Variants in FBXL7 observed in about 807,000 individuals in gnomAD.
FBXL7 encodes F-box/LRR-repeat protein 7.
A neutral mutation model predicts 38.3 loss-of-function variants in FBXL7; 12 were observed. That is an observed-to-expected ratio of 0.31 (90% CI 0.20 to 0.51). The LOEUF is 0.51. FBXL7 is among the 20% of genes least tolerant of loss of function. The probability of loss-of-function intolerance (pLI) is 0.98; values close to 1 mark genes in which losing one functional copy is unlikely to be tolerated. For synonymous variants in FBXL7, 297 were observed against 300.9 expected (o/e 0.99, Z 0.13); for missense variants, 567 against 676.4 (o/e 0.84, Z 1.79).
Position 15,928,172 on chromosome 5 carries a change from G to A in FBXL7, c.410G>A (p.Cys137Tyr). ...CTGCCCACCAACCAGCTGTGCCGCT[G>A]CGCGCGAGTGTGCCGCCGCTGGTAC... ...SFLPTNQLCR[C>Y]ARVCRRWYNL... The change falls in exon 3 of 4, where the codon TGC (cysteine) becomes TAC (tyrosine). Residue 137 changes from cysteine to tyrosine, a missense_variant. Transcript: ENST00000504595. This position sits in a 1 kb window ranked among gnomAD's most constrained non-coding sequence, Gnocchi z 4.0. The A allele has an allele frequency of 6.2e-7, 1 of 1,609,896 alleles. No individual in the cohort carries two copies. Among genetic ancestry groups the A allele is most frequent in the Non-Finnish European group, 8.5e-7 (1 of 1,178,534 alleles).
chr5:15,731,306 T>G (rs781703326), intron 2 of FBXL7, among the ~76,000 whole-genome samples: 33 of 152,148 alleles, frequency 2.2e-4, no homozygotes, highest in African/African-American at 5.1e-4. Flanking sequence ...ACAATCATGG[T>G]GAAGGCAAGG....
At chr5:15,565,312 C>T (rs1042062903) in intron 1 of FBXL7, among the ~76,000 whole-genome samples, 7 of 151,932 alleles carry the variant, frequency 4.6e-5, no homozygotes, top group Non-Finnish European at 8.8e-5. Context: ...CTCAAATGAA[C>T]GGAAACCTTC....
At chr5:15,819,287 T>C (rs1738105689) in intron 2 of FBXL7, among the ~76,000 whole-genome samples, 1 of 152,074 alleles carries the variant, frequency 6.6e-6, no homozygotes, top group African/African-American at 2.4e-5. Context: ...ATAATTTTAA[T>C]TTCTAATTAT....
intron 2 of FBXL7, among the ~76,000 whole-genome samples, chr5:15,783,893 C>T (rs547302958): frequency 6.6e-6 from 1 of 152,268 alleles, no homozygotes; most frequent in African/African-American, 2.4e-5. Flanking sequence ...AGGGCTCTCA[C>T]AGATCTCACA....
At chr5:15,685,629 CA>C (rs1417283602) in intron 2 of FBXL7, among the ~76,000 whole-genome samples, 2 of 152,150 alleles carry the variant, frequency 1.3e-5, no homozygotes, top group African/African-American at 4.8e-5. Context: ...TTTTTTAAGA[CA>C]GGCAGAACTG....
chr5:15,619,961 A>G (rs750350976), intron 2 of FBXL7, among the ~76,000 whole-genome samples: 2 of 152,170 alleles, frequency 1.3e-5, no homozygotes, highest in Non-Finnish European at 2.9e-5. Flanking sequence ...TAAAGTGAGG[A>G]CATGGGGATA....
At chr5:15,520,454 A>G (rs1388748078) in intron 1 of FBXL7, among the ~76,000 whole-genome samples, 1 of 152,232 alleles carries the variant, frequency 6.6e-6, no homozygotes. Flanking sequence ...AATGGGAAAT[A>G]GAATTGTATT....
chr5:15,589,530 C>A (rs976706522), intron 1 of FBXL7, among the ~76,000 whole-genome samples: 2 of 152,114 alleles, frequency 1.3e-5, no homozygotes, highest in Non-Finnish European at 2.9e-5. Flanking sequence ...GAACTGTAAA[C>A]CCACTAAACC....
intron 1 of FBXL7, among the ~76,000 whole-genome samples, chr5:15,543,513 T>C (rs1224116850): frequency 6.6e-6 from 1 of 152,176 alleles, no homozygotes; most frequent in Non-Finnish European, 1.5e-5. Flanking sequence ...CTGTTGTTGA[T>C]ACACAGCAGG....
intron 2 of FBXL7, among the ~76,000 whole-genome samples, chr5:15,785,410 C>T (rs1030920707): frequency 6.6e-6 from 1 of 152,172 alleles, no homozygotes; most frequent in African/African-American, 2.4e-5. Context: ...CAATATAGGA[C>T]AGGCTTTCAG....
rs184984403 is a variant in FBXL7 at position 15,762,551 on chromosome 5, G to A, written c.127+146479G>A. On this transcript the variant is annotated intron_variant, in intron 2 of 3. Coordinates refer to ENST00000504595, the MANE Select transcript of FBXL7 (RefSeq NM_012304.5). ...CCAGCTGGGCTACTTAATATTATTAGCTCTGTGACCTCGGGTGTATTATTT... is the reference window on the plus strand; with the variant it reads ...CCAGCTGGGCTACTTAATATTATTAACTCTGTGACCTCGGGTGTATTATTT... Among the ~76,000 whole-genome samples the A allele has an allele frequency of 2.6e-3, 398 of 152,220 alleles. 1 individual carries two copies. Among genetic ancestry groups the A allele is most frequent in the African/African-American group, 9.2e-3 (381 of 41,546 alleles).
At position 15,937,180 on chromosome 5, in the gene FBXL7, C is replaced by G. The variant is rs537284845; in HGVS notation, c.1470C>G (p.Phe490Leu). ...RCVIEHTNPAFF is the reference protein window; with the variant it reads ...RCVIEHTNPALF The stretch of plus-strand genomic sequence containing the variant: ...TCATCGAGCACACCAACCCGGCTTT[C>G]TTCTGAAGGGACAGAGTTCATCCGG... Residue 490 changes from phenylalanine to leucine, a missense_variant, in exon 4 of 4, where the codon TTC becomes TTG. Transcript: ENST00000504595. 150 of 1,587,800 alleles carry G rather than the reference C, an allele frequency of 9.4e-5. No individual in the cohort carries two copies. The East Asian group carries it at 2.7e-3, about 29-fold the overall frequency.
chr5:15,936,331 G>A lies in FBXL7; in HGVS notation c.740-119G>A. 8.2e-7 allele frequency: 1 copy of A among 1,216,064 alleles called. No individual in the cohort carries two copies. Among genetic ancestry groups the A allele is most frequent in the Non-Finnish European group, 1.1e-6 (1 of 888,966 alleles). The allele number at this position is 1,216,064 out of a possible 1,614,324, so 75.3% of individuals were successfully genotyped here. A position where few individuals can be genotyped will look rare whatever the true frequency, so the allele number is the denominator to read the frequency against. Reference sequence around the variant, plus strand: ...TCTCTATAGAGACCAAGACAGGAAAGGGTAACATCAGCCTCGGACCCAGAC... The same window carrying A: ...TCTCTATAGAGACCAAGACAGGAAAAGGTAACATCAGCCTCGGACCCAGAC... On this transcript the variant is annotated intron_variant, in intron 3 of 3. Transcript: ENST00000504595. The surrounding 1 kb of genome is among the most constrained non-coding windows in gnomAD (Gnocchi z 6.0).
intron 1 of FBXL7, among the ~76,000 whole-genome samples, chr5:15,614,364 G>A (rs1740371228): frequency 6.6e-6 from 1 of 151,796 alleles, no homozygotes; most frequent in African/African-American, 2.4e-5. Context: ...CCGCCTCCTG[G>A]GTTCAAGTGA....
At chr5:15,628,219 T>C (rs1740881648) in intron 2 of FBXL7, among the ~76,000 whole-genome samples, 1 of 152,178 alleles carries the variant, frequency 6.6e-6, no homozygotes, top group Admixed American at 6.5e-5. Context: ...CATTTATTCT[T>C]CTAAATAGTG....
chr5:15,929,344 G>T (rs946102047), intron 3 of FBXL7, among the ~76,000 whole-genome samples: 1 of 152,216 alleles, frequency 6.6e-6, no homozygotes, highest in African/African-American at 2.4e-5. Context: ...AGGAAGTCGG[G>T]CGTAGAGGCC....
chr5:15,594,781 A>G (rs1026565893), intron 1 of FBXL7, among the ~76,000 whole-genome samples: 2 of 152,242 alleles, frequency 1.3e-5, no homozygotes, highest in Admixed American at 6.5e-5. Flanking sequence ...GCTGACAACA[A>G]TATCAGAATG....
At chr5:15,610,089 T>C (rs74515114) in intron 1 of FBXL7, among the ~76,000 whole-genome samples, 1 of 152,116 alleles carries the variant, frequency 6.6e-6, no homozygotes, top group Non-Finnish European at 1.5e-5. Context: ...TGAGACTTCT[T>C]CACTACCACA....
chr5:15,766,012 ATATC>A (rs1561118224), intron 2 of FBXL7, among the ~76,000 whole-genome samples: 3 of 145,444 alleles, frequency 2.1e-5, no homozygotes, highest in Non-Finnish European at 4.6e-5. Context: ...AGCTTCATCT[ATATC>A]TGTCTGTCTG....
Sources: allele counts gnomAD v4.1 joint callset (sites outside exome capture counted in the v4.1 genomes callset), GRCh38; gene constraint gnomAD v4.1.1; non-coding constraint Gnocchi (gnomAD v3.1); transcripts MANE v1.5; gene names NCBI Gene and HGNC (gene_info 2026-07-23, HGNC 2026-07-21).